The following AP3B1 variants were observed in gnomAD, a reference collection of about 807,000 sequenced individuals.
The protein encoded by AP3B1 is AP-3 complex subunit beta-1.
AP3B1 carries 61 observed loss-of-function variants against 132.5 expected under a neutral mutation model. The observed-to-expected ratio is 0.46, with a 90% CI of 0.37 to 0.57. The LOEUF (loss-of-function observed/expected upper bound fraction) is 0.57, where lower values mean the gene tolerates loss of function less well. Ranked by LOEUF, AP3B1 falls within the 20% of genes least tolerant of loss-of-function variation. The probability of loss-of-function intolerance (pLI) is 0.00; values close to 1 mark genes in which losing one functional copy is unlikely to be tolerated. For missense variants in AP3B1, 1,120 were observed against 1,289.4 expected (o/e 0.87, Z 2.01); for synonymous variants, 388 against 438.3 (o/e 0.89, Z 1.43).
intron 2 of AP3B1, among the ~76,000 whole-genome samples, chr5:78,249,397 T>C (rs984902153): frequency 6.6e-6 from 1 of 151,968 alleles, no homozygotes; most frequent in Non-Finnish European, 1.5e-5. Context: ...AATTGTATCT[T>C]TCATCAAATT....
intron 22 of AP3B1, chr5:78,042,039 G>T: frequency 4.7e-6 from 1 of 211,402 alleles, no homozygotes; most frequent in East Asian, 1.1e-4. Context: ...ACACAGAGCT[G>T]GCCACCTGCT....
chr5:78,274,869 T>C (rs1748705247), intron 1 of AP3B1, among the ~76,000 whole-genome samples: 1 of 152,068 alleles, frequency 6.6e-6, no homozygotes, highest in Non-Finnish European at 1.5e-5. Flanking sequence ...AAGGCTGCAG[T>C]GAGCTATGAT....
intron 1 of AP3B1, 161 bp downstream of exon 1, chr5:78,294,291 C>T: frequency 2.1e-6 from 2 of 960,440 alleles, no homozygotes; most frequent in Non-Finnish European, 1.5e-6. Flanking sequence ...CCCACCACCG[C>T]CAACCAACCC....
At chr5:78,009,291 CAAAAAA>C (rs1286628758) in intron 26 of AP3B1, among the ~76,000 whole-genome samples, 2 of 51,970 alleles carry the variant, frequency 3.8e-5, no homozygotes, top group African/African-American at 1.3e-4. Context: ...CCTGTCTCTA[CAAAAAA>C]AAAAAAAAAA....
At chr5:78,134,650 C>T (rs1218190441) in intron 15 of AP3B1, among the ~76,000 whole-genome samples, 1 of 152,200 alleles carries the variant, frequency 6.6e-6, no homozygotes, top group Non-Finnish European at 1.5e-5. Context: ...AAGTGATTCT[C>T]CTGCCTCAGC....
At chr5:78,192,735 CG>C (rs1744895623) in intron 7 of AP3B1, among the ~76,000 whole-genome samples, 1 of 152,088 alleles carries the variant, frequency 6.6e-6, no homozygotes, top group Non-Finnish European at 1.5e-5. Context: ...GTCATGAAGA[CG>C]GAACTCTCAT....
At chr5:78,118,826 G>A (rs983083255) in intron 17 of AP3B1, among the ~76,000 whole-genome samples, 1 of 152,336 alleles carries the variant, frequency 6.6e-6, no homozygotes, top group South Asian at 2.1e-4. Flanking sequence ...GAAGAGAGGA[G>A]TGGTTTTCCC....
At chr5:78,176,847 T>C (rs1222275340) in intron 9 of AP3B1, among the ~76,000 whole-genome samples, 1 of 152,200 alleles carries the variant, frequency 6.6e-6, no homozygotes, top group African/African-American at 2.4e-5. Flanking sequence ...GCTCTCTTTT[T>C]AGAGTGGAGC....
chr5:78,182,656 G>T (rs752321486), intron 7 of AP3B1, among the ~76,000 whole-genome samples: 1 of 152,124 alleles, frequency 6.6e-6, no homozygotes, highest in Non-Finnish European at 1.5e-5. Flanking sequence ...CAAAGGACCA[G>T]GAAAGGGGCA....
At chr5:78,125,322 T>C (rs1010909236) in intron 17 of AP3B1, among the ~76,000 whole-genome samples, 2 of 152,184 alleles carry the variant, frequency 1.3e-5, no homozygotes, top group Admixed American at 1.3e-4. Flanking sequence ...ACTGTCAATC[T>C]GACTAGGTTC....
intron 24 of AP3B1, among the ~76,000 whole-genome samples, chr5:78,024,209 G>A (rs983800695): frequency 8.5e-5 from 13 of 152,048 alleles, no homozygotes; most frequent in African/African-American, 3.1e-4. Context: ...ACTAGAAGAA[G>A]ATGTATGTAT....
chr5:78,259,105 A>G (rs1005959075), intron 2 of AP3B1, among the ~76,000 whole-genome samples: 5 of 152,076 alleles, frequency 3.3e-5, no homozygotes, highest in African/African-American at 9.7e-5. Flanking sequence ...AAAATTAGCC[A>G]GGCATGATGG....
At chr5:78,228,275 G>A (rs1746483899) in intron 3 of AP3B1, 36 bp from the exon 4 acceptor site, 1 of 1,504,724 alleles carries the variant, frequency 6.6e-7, no homozygotes, top group African/African-American at 1.4e-5. Flanking sequence ...TAACCAGAGT[G>A]AAAATTTAAA....
chr5:78,136,700 G>A (rs16875198), intron 15 of AP3B1, among the ~76,000 whole-genome samples: 6,176 of 150,828 alleles, frequency 0.041, 181 homozygotes, highest in East Asian at 0.14. Flanking sequence ...CATTTAACAC[G>A]TGTAAAATTG....
chr5:78,178,067 C>A (rs1288899076), intron 8 of AP3B1, among the ~76,000 whole-genome samples: 1 of 152,140 alleles, frequency 6.6e-6, no homozygotes, highest in Non-Finnish European at 1.5e-5. Context: ...TAGTACGTGG[C>A]AAAGCTCAAG....
chr5:78,240,082 C>A (rs1580531219), intron 3 of AP3B1, among the ~76,000 whole-genome samples: 1 of 152,296 alleles, frequency 6.6e-6, no homozygotes, highest in Non-Finnish European at 1.5e-5. Context: ...CACACTTGCC[C>A]GTGCAAGAAT....
intron 11 of AP3B1, among the ~76,000 whole-genome samples, chr5:78,173,742 TG>T (rs1554072908): frequency 6.6e-6 from 1 of 152,008 alleles, no homozygotes; most frequent in Non-Finnish European, 1.5e-5. Context: ...CTTGGTAGGT[TG>T]GGGAAGTTCT....
intron 22 of AP3B1, among the ~76,000 whole-genome samples, chr5:78,049,975 A>G (rs1181158727): frequency 2.0e-5 from 3 of 152,156 alleles, no homozygotes; most frequent in Non-Finnish European, 4.4e-5. Context: ...AAACCCGCCA[A>G]TGGCCAGGAT....
At chr5:78,279,907 A>AATATATATATATATATATATATATAT (rs55881507) in intron 1 of AP3B1, among the ~76,000 whole-genome samples, 8 of 114,374 alleles carry the variant, frequency 7.0e-5, no homozygotes, top group African/African-American at 2.2e-4. Flanking sequence ...ATATGACTTA[A>AATATATATATATATATATATATATAT]ATATATATAT....
Sources: gnomAD v4.1 joint callset for allele counts (sites outside exome capture counted in the v4.1 genomes callset) on GRCh38, gnomAD v4.1.1 for gene constraint, MANE v1.5 for transcripts, NCBI Gene and HGNC (gene_info 2026-07-23, HGNC 2026-07-21) for gene names.